Variants in GSG1L observed in about 807,000 individuals in gnomAD.
GSG1L encodes GSG1 like.
A neutral mutation model predicts 42.1 loss-of-function variants in GSG1L; 24 were observed. The ratio of observed to expected loss-of-function variants is 0.57; its 90% CI spans 0.41 to 0.80. The LOEUF (loss-of-function observed/expected upper bound fraction) is 0.80, where lower values mean the gene tolerates loss of function less well. Among genes scored for constraint, GSG1L ranks in the 30% least tolerant of loss-of-function variants. The pLI is 0.00. For missense variants in GSG1L, 445 were observed against 472.2 expected, an observed-to-expected ratio of 0.94 and a Z score of 0.53; for synonymous variants, 215 against 203.5, an observed-to-expected ratio of 1.06 and a Z score of -0.48.
chr16:27,868,290 A>T (rs2083757629), intron 3 of GSG1L, among the ~76,000 whole-genome samples: 1 of 152,240 alleles, frequency 6.6e-6, no homozygotes, highest in South Asian at 2.1e-4. Context: ...CCCAGCTAAC[A>T]GGTCCTGATC....
chr16:27,828,724 A>T (rs1596539766), intron 5 of GSG1L, 65 bp downstream of exon 5: 1 of 1,508,782 alleles, frequency 6.6e-7, no homozygotes, highest in Non-Finnish European at 9.0e-7. Context: ...CCCGGTGGCC[A>T]CTGAGGCCAG....
chr16:27,933,020 G>A (rs2141074429), intron 2 of GSG1L, among the ~76,000 whole-genome samples: 2 of 152,216 alleles, frequency 1.3e-5, no homozygotes, highest in South Asian at 2.1e-4. Context: ...TTGTTACACA[G>A]CCTTACTGCA....
At chr16:27,796,734 G>A (rs1262132394) in intron 6 of GSG1L, among the ~76,000 whole-genome samples, 2 of 152,192 alleles carry the variant, frequency 1.3e-5, no homozygotes, top group Non-Finnish European at 2.9e-5. Context: ...CATCCTCAGG[G>A]ATTCCACGTT....
At position 27,907,826 on chromosome 16, in the gene GSG1L, G is replaced by T. The variant is rs80264216; in HGVS notation, c.398-23188C>A. ...CCCCTCTGCTGTTGCCCCAGTCTAGGCCTGTGTCCTTTCTTGTGGTTGCAA... is the reference window on the plus strand; with the variant it reads ...CCCCTCTGCTGTTGCCCCAGTCTAGTCCTGTGTCCTTTCTTGTGGTTGCAA... On this transcript the variant is annotated intron_variant, in intron 2 of 6. Coordinates refer to ENST00000447459, the MANE Select transcript of GSG1L (RefSeq NM_001109763.2). Among the ~76,000 whole-genome samples, 140 of 152,086 alleles carry T rather than the reference G, an allele frequency of 9.2e-4. 1 individual carries two copies. In the East Asian group the frequency reaches 0.025, roughly 27 times the overall value.
chr16:27,927,629 A>G (rs1002811473), intron 2 of GSG1L, among the ~76,000 whole-genome samples: 1 of 151,316 alleles, frequency 6.6e-6, no homozygotes, highest in Non-Finnish European at 1.5e-5. Flanking sequence ...CACTTTCCCC[A>G]CCTCTGCCCT....
At chr16:27,812,638 G>A (rs2083045662) in intron 5 of GSG1L, among the ~76,000 whole-genome samples, 1 of 152,094 alleles carries the variant, frequency 6.6e-6, no homozygotes, top group Non-Finnish European at 1.5e-5. Flanking sequence ...AGCAGGGCTG[G>A]AATGTGCAGC....
chr16:28,063,404 G>A lies in GSG1L; in HGVS notation c.21C>T (p.Gly7=). 1 of 1,323,580 alleles carries A rather than the reference G, an allele frequency of 7.6e-7. No individual in the cohort carries two copies. The highest frequency in any genetic ancestry group is 9.7e-7 in the Non-Finnish European group (1 of 1,028,704). The allele number at this position is 1,323,580 out of a possible 1,614,324, so 82.0% of individuals were successfully genotyped here. Residue 7 remains glycine, a synonymous_variant, in exon 1 of 7, where the codon GGC becomes GGT. Coordinates refer to ENST00000447459, the MANE Select transcript of GSG1L (RefSeq NM_001109763.2). This position sits in a 1 kb window ranked among gnomAD's most constrained non-coding sequence, Gnocchi z 5.8. Reference sequence around the variant, plus strand: ...TCAGGGCCACGGCCAGGAGCGCTCGGCCGCGGCGGCTAGTCTTCATGCCGC... The same window carrying A: ...TCAGGGCCACGGCCAGGAGCGCTCGACCGCGGCGGCTAGTCTTCATGCCGC... The part of the protein sequence containing the change: MKTSRR[G]RALLAVALNL...
chr16:27,865,523 C>CTATATATATA (rs1172385916), intron 3 of GSG1L, among the ~76,000 whole-genome samples: 9 of 58,246 alleles, frequency 1.5e-4, no homozygotes, highest in Non-Finnish European at 2.6e-4. Context: ...CTCTCTCTTT[C>CTATATATATA]TATATATATA....
At chr16:27,818,527 C>T (rs556143392) in intron 5 of GSG1L, among the ~76,000 whole-genome samples, 3 of 151,938 alleles carry the variant, frequency 2.0e-5, no homozygotes, top group South Asian at 2.1e-4. Flanking sequence ...AAAGTGTTAC[C>T]GAGAAATAAA....
At chr16:27,984,144 T>C (rs1255501946) in intron 1 of GSG1L, among the ~76,000 whole-genome samples, 1 of 152,138 alleles carries the variant, frequency 6.6e-6, no homozygotes, top group Non-Finnish European at 1.5e-5. Flanking sequence ...AATCCACTGT[T>C]GCATGGCCGC....
chr16:27,930,200 C>T (rs949935596), intron 2 of GSG1L, among the ~76,000 whole-genome samples: 1 of 152,080 alleles, frequency 6.6e-6, no homozygotes, highest in South Asian at 2.1e-4. Context: ...AACGCCTTCA[C>T]TTCCTCATTG....
chr16:27,882,262 G>A (rs1709772), intron 3 of GSG1L, among the ~76,000 whole-genome samples: 68,517 of 151,930 alleles, frequency 0.45, 18,026 homozygotes, highest in Non-Finnish European at 0.59. Flanking sequence ...CCATGATTGT[G>A]AGGCCTCCCC....
At chr16:27,982,531 T>G (rs1375418398) in intron 1 of GSG1L, among the ~76,000 whole-genome samples, 3 of 152,220 alleles carry the variant, frequency 2.0e-5, no homozygotes, top group Non-Finnish European at 4.4e-5. Flanking sequence ...TAAGGCTCCA[T>G]GAAATGGAAC....
intron 5 of GSG1L, among the ~76,000 whole-genome samples, chr16:27,816,788 T>G (rs995621892): frequency 3.3e-5 from 5 of 152,140 alleles, no homozygotes; most frequent in Admixed American, 6.5e-5. Context: ...CTTGGGTTTA[T>G]GGTCCCTGGA....
chr16:27,828,690 A>T, intron 5 of GSG1L, 99 bp downstream of exon 5: 1 of 1,170,800 alleles, frequency 8.5e-7, no homozygotes, highest in Non-Finnish European at 1.2e-6. Flanking sequence ...CTGTCATACC[A>T]TTCATTCCAG....
chr16:27,877,333 G>A lies in GSG1L; in HGVS notation c.550+7153C>T, dbSNP rs527811563. Among the ~76,000 whole-genome samples, 16 of 152,250 alleles carry A rather than the reference G, an allele frequency of 1.1e-4. No individual in the cohort carries two copies. The East Asian group carries it at 1.2e-3, about 11-fold the overall frequency. On this transcript the variant is annotated intron_variant, in intron 3 of 6. Coordinates refer to ENST00000447459, the MANE Select transcript of GSG1L (RefSeq NM_001109763.2). Reference sequence around the variant, plus strand: ...ATGGGCCCTGGGCACTTTTGCCATCGTAGACCTGTTCCTCCATAAAAGAAG... The same window carrying A: ...ATGGGCCCTGGGCACTTTTGCCATCATAGACCTGTTCCTCCATAAAAGAAG...
In GSG1L at chr16:27,807,525, T is replaced by C. The variant is rs1011036712; in HGVS notation, c.860A>G (p.Asp287Gly). 4 of 1,612,076 alleles carry C rather than the reference T, an allele frequency of 2.5e-6. No individual in the cohort carries two copies. In the South Asian group the frequency reaches 3.3e-5, roughly 13 times the overall value. The change falls in exon 6 of 7, where the codon GAC becomes GGC. Residue 287 changes from aspartate to glycine, a missense_variant. Asp to Gly is a moderately conservative substitution (Grantham distance 94). Coordinates refer to ENST00000447459, the MANE Select transcript of GSG1L (RefSeq NM_001109763.2). ...RMEKRDGSEE[D>G]FHLDCRHERY... ...CTCGTGGCGGCAGTCTAAGTGAAAG[T>C]CCTCCTCGCTCCCGTCCCTCTTCTC...
At chr16:27,881,451 A>G (rs1260243839) in intron 3 of GSG1L, among the ~76,000 whole-genome samples, 1 of 152,004 alleles carries the variant, frequency 6.6e-6, no homozygotes, top group Non-Finnish European at 1.5e-5. Context: ...CATGTTAGTC[A>G]GGCTGGTCTC....
At chr16:27,998,885 C>G (rs139575573) in intron 1 of GSG1L, among the ~76,000 whole-genome samples, 92 of 152,176 alleles carry the variant, frequency 6.0e-4, no homozygotes, top group African/African-American at 2.0e-3. Flanking sequence ...TGCCCAAATG[C>G]TACTCAGACA....
Sources: allele counts gnomAD v4.1 joint callset (sites outside exome capture counted in the v4.1 genomes callset), GRCh38; gene constraint gnomAD v4.1.1; non-coding constraint Gnocchi (gnomAD v3.1); transcripts MANE v1.5; gene names NCBI Gene and HGNC (gene_info 2026-07-23, HGNC 2026-07-21).